HS6ST2: variants seen among roughly 807,000 people sequenced by gnomAD.
HS6ST2 encodes heparan sulfate 6-O-sulfotransferase 2.
A neutral mutation model predicts 33.0 loss-of-function variants in HS6ST2; 17 were observed. That is an observed-to-expected ratio of 0.52 (90% CI 0.35 to 0.77). The LOEUF is 0.77. HS6ST2 is among the 30% of genes least tolerant of loss of function. The pLI is 0.01. For missense variants in HS6ST2, 519 were observed against 551.7 expected (o/e 0.94, Z 0.59); for synonymous variants, 248 against 237.1 (o/e 1.05, Z -0.42).
intron 2 of HS6ST2, among the ~76,000 whole-genome samples, chrX:132,716,159 T>C (rs1471776389): frequency 2.7e-5 from 3 of 111,869 alleles, no homozygotes; most frequent in African/African-American, 9.7e-5. Context: ...CTCACACCCC[T>C]GCCCAGCAGA....
intron 2 of HS6ST2, among the ~76,000 whole-genome samples, chrX:132,797,076 T>C (rs901331181): frequency 9.0e-6 from 1 of 111,625 alleles, no homozygotes; most frequent in African/African-American, 3.3e-5. Flanking sequence ...AAGAGGATTC[T>C]GGGAAGGTAA....
chrX:132,887,857 C>T lies in HS6ST2; in HGVS notation c.947+68951G>A, dbSNP rs745346815. On this transcript the variant is annotated intron_variant, in intron 2 of 4. Coordinates refer to ENST00000370833, the MANE Select transcript of HS6ST2 (RefSeq NM_001394073.1). ...AAGTACTGATACATGATGCCACATG[C>T]ACAAACCCCCAAAATATTATAATGT... 7.1e-5 allele frequency among the ~76,000 whole-genome samples: 8 copies of T among 112,181 alleles called. No homozygotes were observed. The South Asian group carries it at 3.0e-3, about 42-fold the overall frequency.
chrX:132,880,413 G>C lies in HS6ST2; in HGVS notation c.947+76395C>G, dbSNP rs2066154513. ...TAGCTGGGCGTGGTGGCATGCACCTGTAGTCCCAGCTACTTGGGAGGCTGA... is the reference window on the plus strand; with the variant it reads ...TAGCTGGGCGTGGTGGCATGCACCTCTAGTCCCAGCTACTTGGGAGGCTGA... On this transcript the variant is annotated intron_variant, in intron 2 of 4. Transcript: ENST00000370833. Among the ~76,000 whole-genome samples, 3 of 108,738 alleles carry C rather than the reference G, an allele frequency of 2.8e-5. No individual in the cohort carries two copies. The South Asian group carries it at 1.2e-3, about 45-fold the overall frequency. 94.4% of individuals were successfully genotyped at this position (108,738 alleles called of 115,157 possible).
chrX:132,922,198 C>T (rs1428193008), intron 2 of HS6ST2, among the ~76,000 whole-genome samples: 1 of 111,432 alleles, frequency 9.0e-6, no homozygotes, highest in South Asian at 3.7e-4. Context: ...GTCAGGAGAT[C>T]GAGACCATCC....
At chrX:132,855,661 A>G (rs1397084194) in intron 2 of HS6ST2, among the ~76,000 whole-genome samples, 1 of 111,706 alleles carries the variant, frequency 9.0e-6, no homozygotes, top group African/African-American at 3.3e-5. Context: ...GTTCCCAGCC[A>G]CCCACCAACT....
chrX:132,763,434 T>C (rs1196749048), intron 2 of HS6ST2, among the ~76,000 whole-genome samples: 3 of 112,458 alleles, frequency 2.7e-5, no homozygotes, highest in Admixed American at 1.9e-4. Context: ...ACTTGGGTTT[T>C]AATCCTTTGA....
intron 2 of HS6ST2, among the ~76,000 whole-genome samples, chrX:132,727,238 G>T (rs1331265742): frequency 1.3e-5 from 1 of 79,846 alleles, no homozygotes; most frequent in African/African-American, 4.6e-5. Flanking sequence ...AGCATTATTG[G>T]GGGGGGGGGC....
At chrX:132,852,152 G>A (rs1015978671) in intron 2 of HS6ST2, among the ~76,000 whole-genome samples, 2 of 111,184 alleles carry the variant, frequency 1.8e-5, no homozygotes, top group Non-Finnish European at 3.8e-5. Flanking sequence ...AAAAAAAAGA[G>A]AGAAATTTGT....
At chrX:132,754,751 G>C (rs1379968674) in intron 2 of HS6ST2, among the ~76,000 whole-genome samples, 2 of 109,706 alleles carry the variant, frequency 1.8e-5, no homozygotes, top group Non-Finnish European at 3.8e-5. Flanking sequence ...TTGCTCTGCT[G>C]CCCAGGCTGG....
At chrX:132,891,404 C>T (rs1208549705) in intron 2 of HS6ST2, among the ~76,000 whole-genome samples, 6 of 103,336 alleles carry the variant, frequency 5.8e-5, no homozygotes, top group African/African-American at 2.1e-4. Context: ...TATTATTCTA[C>T]TTTAAGTTTT....
chrX:132,787,186 T>TATATATATAC (rs1257971724), intron 2 of HS6ST2, among the ~76,000 whole-genome samples: 2 of 77,160 alleles, frequency 2.6e-5, no homozygotes, highest in East Asian at 9.1e-4. Flanking sequence ...TATATATATA[T>TATATATATAC]ACATATATAT....
At chrX:132,916,903 A>G (rs1479334845) in intron 2 of HS6ST2, among the ~76,000 whole-genome samples, 1 of 111,952 alleles carries the variant, frequency 8.9e-6, no homozygotes, top group East Asian at 2.8e-4. Context: ...GTGTGAGTCA[A>G]TTCTCCTTAA....
At chrX:132,829,398 A>C (rs867273138) in intron 2 of HS6ST2, among the ~76,000 whole-genome samples, 2 of 108,579 alleles carry the variant, frequency 1.8e-5, no homozygotes, top group African/African-American at 6.7e-5. Context: ...GTATTTATGT[A>C]TGTATGTATC....
At chrX:132,806,899 C>G (rs1368175675) in intron 2 of HS6ST2, among the ~76,000 whole-genome samples, 1 of 109,342 alleles carries the variant, frequency 9.1e-6, no homozygotes, top group African/African-American at 3.3e-5. Context: ...TTCATGGTAT[C>G]TGCCAGGGAT....
At chrX:132,815,319 A>C (rs1049488406) in intron 2 of HS6ST2, among the ~76,000 whole-genome samples, 3 of 112,314 alleles carry the variant, frequency 2.7e-5, no homozygotes, top group Non-Finnish European at 3.8e-5. Flanking sequence ...CACTATTTTA[A>C]GTACTTCATA....
In HS6ST2 at chrX:132,826,059, G is replaced by T. The variant is rs958427256; in HGVS notation, c.948-117565C>A. Among the ~76,000 whole-genome samples, 5 of 112,435 alleles carry T rather than the reference G, an allele frequency of 4.4e-5. No homozygotes were observed. The East Asian group carries it at 1.4e-3, about 31-fold the overall frequency. Reference sequence around the variant, plus strand: ...CAGTCCTAAGCTGCCAGAATCACTTGCTTGAGAATTAATCACAAAAACTGC... The same window carrying T: ...CAGTCCTAAGCTGCCAGAATCACTTTCTTGAGAATTAATCACAAAAACTGC... On this transcript the variant is annotated intron_variant, in intron 2 of 4. Coordinates refer to ENST00000370833, the MANE Select transcript of HS6ST2 (RefSeq NM_001394073.1).
At chrX:132,674,896 T>C (rs1193415160) in intron 3 of HS6ST2, among the ~76,000 whole-genome samples, 8 of 111,834 alleles carry the variant, frequency 7.2e-5, no homozygotes, top group Non-Finnish European at 1.3e-4. Flanking sequence ...AATTGAGATC[T>C]GAAATATAAT....
At chrX:132,775,243 T>C (rs1409382914) in intron 2 of HS6ST2, among the ~76,000 whole-genome samples, 1 of 111,678 alleles carries the variant, frequency 9.0e-6, no homozygotes, top group African/African-American at 3.3e-5. Flanking sequence ...CCTTTCTCTC[T>C]ACATTACTTT....
chrX:132,857,256 C>A (rs1041209212), intron 2 of HS6ST2, among the ~76,000 whole-genome samples: 1 of 111,864 alleles, frequency 8.9e-6, no homozygotes, highest in African/African-American at 3.2e-5. Context: ...GAGGCCAAGG[C>A]GGGTGGATCA....
Sources: allele counts gnomAD v4.1 joint callset (sites outside exome capture counted in the v4.1 genomes callset), GRCh38; gene constraint gnomAD v4.1.1; transcripts MANE v1.5; gene names NCBI Gene and HGNC (gene_info 2026-07-23, HGNC 2026-07-21).